C14orf39: variants seen among roughly 807,000 people sequenced by gnomAD.
C14orf39 encodes protein SIX6OS1.
C14orf39 carries 66 observed loss-of-function variants against 85.6 expected under a neutral mutation model. That is an observed-to-expected ratio of 0.77 (90% confidence interval 0.63 to 0.95). C14orf39 has a LOEUF of 0.95. Among genes scored for constraint, C14orf39 ranks in the 40% least tolerant of loss-of-function variants. C14orf39 has a pLI of 0.00. For synonymous variants in C14orf39, 242 were observed against 214.0 expected, an observed-to-expected ratio of 1.13 and a Z score of -1.14; for missense variants, 735 against 663.9, an observed-to-expected ratio of 1.11 and a Z score of -1.18.
intron 4 of C14orf39, among the ~76,000 whole-genome samples, chr14:60,478,839 G>T (rs562994928): frequency 6.6e-6 from 1 of 151,994 alleles, no homozygotes; most frequent in South Asian, 2.1e-4. Context: ...GAAAACAGGT[G>T]TCACATCATC....
intron 16 of C14orf39, among the ~76,000 whole-genome samples, chr14:60,445,832 T>A (rs530987855): frequency 6.6e-6 from 1 of 152,094 alleles, no homozygotes; most frequent in African/African-American, 2.4e-5. Flanking sequence ...CCTCAGCAAA[T>A]GTAAAAGGAC....
chr14:60,509,662 G>A (rs1275227016), intron 1 of C14orf39: 2 of 1,613,908 alleles, frequency 1.2e-6, no homozygotes, highest in African/African-American at 1.3e-5. Flanking sequence ...CCAAGCTGCA[G>A]GCGCTGTGGC....
intron 16 of C14orf39, among the ~76,000 whole-genome samples, chr14:60,442,707 A>T (rs1029666695): frequency 2.0e-5 from 3 of 152,152 alleles, no homozygotes; most frequent in Non-Finnish European, 4.4e-5. Context: ...ATCCTTTAAT[A>T]CTGGACATGT....
chr14:60,468,667 T>A (rs1349333321), intron 8 of C14orf39, 131 bp from the exon 9 acceptor site: 10 of 450,738 alleles, frequency 2.2e-5, no homozygotes, highest in Non-Finnish European at 3.8e-5. Flanking sequence ...TATCTTCTAT[T>A]TACAGTTATT....
At chr14:60,508,007 C>G (rs749792377) in intron 1 of C14orf39, among the ~76,000 whole-genome samples, 2 of 152,100 alleles carry the variant, frequency 1.3e-5, no homozygotes, top group African/African-American at 2.4e-5. Context: ...ATAAAAGTTG[C>G]CAATTCACTC....
At chr14:60,508,712 C>T (rs954849061) in intron 1 of C14orf39, among the ~76,000 whole-genome samples, 1 of 152,182 alleles carries the variant, frequency 6.6e-6, no homozygotes, top group Non-Finnish European at 1.5e-5. Flanking sequence ...CTGCTCCCAC[C>T]GCAAGGTTTG....
At chr14:60,456,098 G>A (rs898127145) in intron 15 of C14orf39, among the ~76,000 whole-genome samples, 1 of 151,944 alleles carries the variant, frequency 6.6e-6, no homozygotes, top group East Asian at 1.9e-4. Context: ...TTTAAAATAC[G>A]GAAGTAGAGT....
intron 5 of C14orf39, 107 bp downstream of exon 5, chr14:60,478,193 A>AAAAAAAAAAAAAAAAAC: frequency 4.3e-6 from 1 of 233,304 alleles, no homozygotes. Flanking sequence ...AAAAAAAAAG[A>AAAAAAAAAAAAAAAAAC]AACTCCTTGA....
chr14:60,472,259 T>C (rs976992183), intron 5 of C14orf39, among the ~76,000 whole-genome samples: 3 of 152,050 alleles, frequency 2.0e-5, no homozygotes, highest in Non-Finnish European at 4.4e-5. Context: ...CACCATCAAA[T>C]GTACCCCGTA....
Position 60,436,563 on chromosome 14 carries a change from T to C in C14orf39, c.*282A>G. 1 of 209,390 alleles carries C rather than the reference T, an allele frequency of 4.8e-6. No individual in the cohort carries two copies. The highest frequency in any genetic ancestry group is 9.3e-6 in the Non-Finnish European group (1 of 107,124). The allele number at this position is 209,390 out of a possible 1,614,324, so 13.0% of individuals were successfully genotyped here. ...AGGAGAAGCAGGCTTAATATTTAAA[T>C]AAAGAGTAATGAAAAAAGCATCAAA... is the stretch of plus-strand genomic sequence containing the variant. On this transcript the variant is annotated 3_prime_UTR_variant, in exon 18 of 18. Coordinates refer to ENST00000321731, the MANE Select transcript of C14orf39 (RefSeq NM_174978.3).
chr14:60,494,151 T>G (rs1893032845), intron 2 of C14orf39: 1 of 319,632 alleles, frequency 3.1e-6, no homozygotes, highest in Admixed American at 3.0e-5. Context: ...CAGAATTTCC[T>G]TGGGAAACAT....
At chr14:60,505,911 G>A (rs1208785893) in intron 1 of C14orf39, among the ~76,000 whole-genome samples, 1 of 152,182 alleles carries the variant, frequency 6.6e-6, no homozygotes, top group African/African-American at 2.4e-5. Flanking sequence ...AGAGCGAGGA[G>A]TGAGATCCCC....
intron 1 of C14orf39, among the ~76,000 whole-genome samples, chr14:60,506,524 A>G (rs1275497449): frequency 1.3e-5 from 2 of 152,124 alleles, no homozygotes; most frequent in Non-Finnish European, 2.9e-5. Context: ...CGGCTCACAT[A>G]CTTCTTCCTG....
chr14:60,460,737 A>T (rs1891484749), intron 13 of C14orf39, among the ~76,000 whole-genome samples: 1 of 151,862 alleles, frequency 6.6e-6, no homozygotes, highest in East Asian at 1.9e-4. Flanking sequence ...AGGGTGTGCC[A>T]AAGTTAGAAA....
chr14:60,484,842 T>A lies in C14orf39; in HGVS notation c.106+39A>T, dbSNP rs1380727192. On this transcript the variant is annotated intron_variant, in intron 3 of 17. Coordinates refer to ENST00000321731, the MANE Select transcript of C14orf39 (RefSeq NM_174978.3). The surrounding 1 kb of genome is among the most constrained non-coding windows in gnomAD (Gnocchi z 4.2). ...TTGTATGTTATATGCCATAAGGAATTAAAAGACTAAAATATCTTGATCATG... is the reference window on the plus strand; with the variant it reads ...TTGTATGTTATATGCCATAAGGAATAAAAAGACTAAAATATCTTGATCATG... The A allele has an allele frequency of 3.5e-6, 5 of 1,414,474 alleles. No homozygotes were observed. In the South Asian group the frequency reaches 4.9e-5, roughly 14 times the overall value. The allele number at this position is 1,414,474 out of a possible 1,614,324, so 87.6% of individuals were successfully genotyped here.
At chr14:60,439,888 A>G (rs1890426959) in intron 17 of C14orf39, among the ~76,000 whole-genome samples, 1 of 152,204 alleles carries the variant, frequency 6.6e-6, no homozygotes, top group South Asian at 2.1e-4. Context: ...AGCCTGGCCA[A>G]CATAGTGAGA....
intron 2 of C14orf39, among the ~76,000 whole-genome samples, chr14:60,493,022 T>C (rs1205248834): frequency 1.3e-5 from 2 of 152,192 alleles, no homozygotes; most frequent in Non-Finnish European, 2.9e-5. Flanking sequence ...GAGTAGGCAC[T>C]GGCAAACTGA....
chr14:60,485,584 AG>A (rs1892847182), intron 1 of C14orf39, among the ~76,000 whole-genome samples: 1 of 152,160 alleles, frequency 6.6e-6, no homozygotes, highest in African/African-American at 2.4e-5. Flanking sequence ...AAAAAATTGG[AG>A]GTTTTCACAG....
chr14:60,474,969 A>G (rs1892298158), intron 5 of C14orf39, among the ~76,000 whole-genome samples: 1 of 152,206 alleles, frequency 6.6e-6, no homozygotes, highest in Non-Finnish European at 1.5e-5. Context: ...GAGTTTCAGA[A>G]GGAATGGTAC....
Sources: gnomAD v4.1 joint callset for allele counts (sites outside exome capture counted in the v4.1 genomes callset) on GRCh38, gnomAD v4.1.1 for gene constraint, Gnocchi (gnomAD v3.1) non-coding constraint, MANE v1.5 for transcripts, NCBI Gene and HGNC (gene_info 2026-07-23, HGNC 2026-07-21) for gene names.